HYCC2: variants seen among roughly 807,000 people sequenced by gnomAD.
HYCC2 encodes hyccin PI4KA lipid kinase complex subunit 2, also known as hyccin 2.
At chr2:201,018,352 T>C in the HYCC2 span, among the ~76,000 whole-genome samples, 1 of 152,048 alleles carries the variant, frequency 6.6e-6, no homozygotes, top group African/African-American at 2.4e-5. Context: ...ATACTAACTC[T>C]TTAAAAAAAA....
At chr2:201,049,542 A>C in the HYCC2 span, among the ~76,000 whole-genome samples, 1 of 149,148 alleles carries the variant, frequency 6.7e-6, no homozygotes, top group Admixed American at 6.7e-5. Context: ...TTTAGTAGAG[A>C]CGGGGTTTCA....
chr2:201,070,612 A>G, the HYCC2 span, among the ~76,000 whole-genome samples: 4 of 152,082 alleles, frequency 2.6e-5, no homozygotes, highest in African/African-American at 7.2e-5. Flanking sequence ...AGATCGCGCC[A>G]TTGCACTCCA....
chr2:200,994,760 G>A, the HYCC2 span, among the ~76,000 whole-genome samples: 1 of 152,030 alleles, frequency 6.6e-6, no homozygotes, highest in Non-Finnish European at 1.5e-5. Context: ...CAGTACTCTG[G>A]GAGACCAAGG....
chr2:201,062,051 AC>A, the HYCC2 span, among the ~76,000 whole-genome samples: 1 of 151,992 alleles, frequency 6.6e-6, no homozygotes, highest in African/African-American at 2.4e-5. Flanking sequence ...GCTGCAGTGA[AC>A]CACGATCACA....
At chr2:200,990,348 A>G in the HYCC2 span, among the ~76,000 whole-genome samples, 4 of 152,120 alleles carry the variant, frequency 2.6e-5, no homozygotes, top group African/African-American at 7.2e-5. Flanking sequence ...GTGTCATACT[A>G]CTACTGTAAC....
At chr2:201,041,139 A>G in the HYCC2 span, among the ~76,000 whole-genome samples, 876 of 152,354 alleles carry the variant, frequency 5.7e-3, 13 homozygotes, top group East Asian at 0.02. Context: ...AGTGTTTGCT[A>G]TAAGCATTAT....
At chr2:201,038,366 C>T in the HYCC2 span, among the ~76,000 whole-genome samples, 1 of 152,070 alleles carries the variant, frequency 6.6e-6, no homozygotes, top group African/African-American at 2.4e-5. Context: ...CTAGAAATAC[C>T]ATTTGACCCA....
chr2:200,987,279 G>A, the HYCC2 span: 8 of 1,162,120 alleles, frequency 6.9e-6, no homozygotes, highest in Admixed American at 2.8e-5. Context: ...CATTAGAATG[G>A]AAAGATGCTC....
the HYCC2 span, chr2:201,022,945 A>G: frequency 4.5e-6 from 7 of 1,562,676 alleles, no homozygotes; most frequent in Non-Finnish European, 5.3e-6. Flanking sequence ...AAAAGAAACC[A>G]CCAAAGGAAA....
the HYCC2 span, among the ~76,000 whole-genome samples, chr2:201,027,382 G>A: frequency 6.6e-6 from 1 of 152,036 alleles, no homozygotes; most frequent in Admixed American, 6.6e-5. Context: ...TTCTACCAGA[G>A]GTACAAAGAG....
At chr2:201,030,719 C>T in the HYCC2 span, among the ~76,000 whole-genome samples, 1 of 151,942 alleles carries the variant, frequency 6.6e-6, no homozygotes, top group Non-Finnish European at 1.5e-5. Context: ...GCTGGGATTC[C>T]AGGAGTGCAC....
chr2:201,063,514 T>C, the HYCC2 span: 3 of 1,592,302 alleles, frequency 1.9e-6, no homozygotes, highest in African/African-American at 2.7e-5. Context: ...ACCGAGGCAG[T>C]GGGAAGAAAA....
At chr2:201,019,169 C>T in the HYCC2 span, among the ~76,000 whole-genome samples, 367 of 152,246 alleles carry the variant, frequency 2.4e-3, 3 homozygotes, top group Non-Finnish European at 1.9e-3. Flanking sequence ...AATTTATACT[C>T]ATGTTTCAAA....
chr2:201,038,454 T>C, the HYCC2 span, among the ~76,000 whole-genome samples: 3 of 152,178 alleles, frequency 2.0e-5, no homozygotes, highest in Non-Finnish European at 4.4e-5. Context: ...GTATGTTTAC[T>C]GCGGCACTAT....
the HYCC2 span, among the ~76,000 whole-genome samples, chr2:201,019,756 TAA>T: frequency 2.1e-5 from 3 of 140,516 alleles, no homozygotes; most frequent in Non-Finnish European, 1.6e-5. Flanking sequence ...GGCCCTGTCT[TAA>T]AAAAAAAAAA....
the HYCC2 span, chr2:200,981,355 C>T: frequency 6.2e-7 from 1 of 1,614,154 alleles, no homozygotes; most frequent in African/African-American, 1.3e-5. This position sits in a 1 kb window ranked among gnomAD's most constrained non-coding sequence, Gnocchi z 4.5. Flanking sequence ...GAGCTCTTTA[C>T]CTTCGCCAGC....
the HYCC2 span, among the ~76,000 whole-genome samples, chr2:201,067,891 A>T: frequency 6.6e-6 from 1 of 152,222 alleles, no homozygotes; most frequent in Non-Finnish European, 1.5e-5. Flanking sequence ...AGTTTGATTT[A>T]TGGAAAGCAG....
the HYCC2 span, chr2:200,981,164 C>G: frequency 3.7e-6 from 5 of 1,334,918 alleles, no homozygotes; most frequent in Admixed American, 2.1e-5. The surrounding 1 kb of genome is among the most constrained non-coding windows in gnomAD (Gnocchi z 4.5). Flanking sequence ...TAAATGAAAT[C>G]TGATAACAGT....
the HYCC2 span, among the ~76,000 whole-genome samples, chr2:201,005,110 A>C: frequency 6.6e-6 from 1 of 152,202 alleles, no homozygotes. Flanking sequence ...AATGAAAGCA[A>C]TTGAAAAATG....
Sources: gnomAD v4.1 joint callset for allele counts (sites outside exome capture counted in the v4.1 genomes callset) on GRCh38, gnomAD v4.1.1 for gene constraint, Gnocchi (gnomAD v3.1) non-coding constraint, MANE v1.5 for transcripts, NCBI Gene and HGNC (gene_info 2026-07-23, HGNC 2026-07-21) for gene names.